PCSK6: variants seen among roughly 807,000 people sequenced by gnomAD.
PCSK6 encodes proprotein convertase subtilisin/kexin type 6, also known as paired basic amino acid cleaving enzyme 4.
PCSK6 carries 85 observed loss-of-function variants against 123.3 expected under a neutral mutation model. The ratio of observed to expected loss-of-function variants is 0.69; its 90% confidence interval spans 0.58 to 0.83. The LOEUF (loss-of-function observed/expected upper bound fraction) is 0.83, where lower values mean the gene tolerates loss of function less well. PCSK6 is among the 40% of genes least tolerant of loss of function. PCSK6 has a pLI of 0.00. For synonymous variants in PCSK6, 508 were observed against 516.0 expected, an observed-to-expected ratio of 0.98 and a Z score of 0.21; for missense variants, 1,191 against 1,282.3, an observed-to-expected ratio of 0.93 and a Z score of 1.09.
chr15:101,339,817 G>T (rs1463635720), intron 13 of PCSK6, among the ~76,000 whole-genome samples: 3 of 152,024 alleles, frequency 2.0e-5, no homozygotes, highest in Non-Finnish European at 2.9e-5. Flanking sequence ...AGGCTGAGTT[G>T]GGAGGATTGC....
intron 17 of PCSK6, 133 bp downstream of exon 17, chr15:101,324,716 TG>T: frequency 1.4e-6 from 1 of 710,572 alleles, no homozygotes; most frequent in Non-Finnish European, 2.3e-6. Context: ...CCTCCTTCCC[TG>T]TTCAAAGTCC....
chr15:101,481,422 A>C (rs533571739), intron 1 of PCSK6, among the ~76,000 whole-genome samples: 2 of 151,392 alleles, frequency 1.3e-5, no homozygotes, highest in African/African-American at 4.9e-5. Flanking sequence ...ACCTGGTGAC[A>C]GGTAAAGCCG....
At chr15:101,427,108 A>T (rs754916312) in intron 6 of PCSK6, among the ~76,000 whole-genome samples, 2 of 152,222 alleles carry the variant, frequency 1.3e-5, no homozygotes, top group Non-Finnish European at 2.9e-5. Context: ...CGTGGGGAAT[A>T]GGAAGACATT....
At chr15:101,365,525 T>C (rs1310136662) in intron 13 of PCSK6, among the ~76,000 whole-genome samples, 1 of 151,754 alleles carries the variant, frequency 6.6e-6, no homozygotes, top group African/African-American at 2.4e-5. Context: ...CAACATAGAG[T>C]TACCATATGA....
At chr15:101,385,322 T>C (rs956390869) in intron 9 of PCSK6, among the ~76,000 whole-genome samples, 2 of 152,174 alleles carry the variant, frequency 1.3e-5, no homozygotes, top group African/African-American at 4.8e-5. Context: ...CTGGCCCACC[T>C]TTTTCTTTTT....
At chr15:101,347,823 T>C (rs373300792) in intron 13 of PCSK6, 60 of 1,519,546 alleles carry the variant, frequency 3.9e-5, no homozygotes, top group Admixed American at 1.0e-4. Context: ...TGAAGCTTTA[T>C]TGGGAGGTGC....
Position 101,431,481 on chromosome 15 carries a change from A to G in PCSK6, c.514-18T>C, listed in dbSNP as rs1401859598. 1.9e-6 allele frequency: 3 copies of G among 1,613,350 alleles called. No individual in the cohort carries two copies. Among genetic ancestry groups the G allele is most frequent in the South Asian group, 1.1e-5 (1 of 90,920 alleles). Reference sequence around the variant, plus strand: ...CCACAATGCTGTAAGCACGAAAGACACAAAGTCCCCCCGACATGGACATTC... The same window carrying G: ...CCACAATGCTGTAAGCACGAAAGACGCAAAGTCCCCCCGACATGGACATTC... On this transcript the variant is annotated intron_variant, in intron 3 of 21. Transcript: ENST00000611716.
At chr15:101,309,948 A>T (rs2039816084) in intron 20 of PCSK6, among the ~76,000 whole-genome samples, 1 of 152,176 alleles carries the variant, frequency 6.6e-6, no homozygotes, top group Non-Finnish European at 1.5e-5. Flanking sequence ...TTCCACCTGC[A>T]GTTGCCAACC....
chr15:101,327,910 C>T (rs987647982), intron 15 of PCSK6, among the ~76,000 whole-genome samples: 6 of 151,954 alleles, frequency 3.9e-5, no homozygotes, highest in Admixed American at 6.6e-5. Context: ...TGTTCCTGGG[C>T]GGTGCTGGTA....
At chr15:101,417,560 G>C (rs900626441) in intron 6 of PCSK6, among the ~76,000 whole-genome samples, 4 of 152,096 alleles carry the variant, frequency 2.6e-5, no homozygotes, top group Non-Finnish European at 4.4e-5. Flanking sequence ...AAAAATCTAA[G>C]CTGAAACGTA....
intron 5 of PCSK6, among the ~76,000 whole-genome samples, 200 bp from the exon 6 acceptor site, chr15:101,428,180 G>T (rs1485298304): frequency 6.6e-6 from 1 of 152,144 alleles, no homozygotes; most frequent in Non-Finnish European, 1.5e-5. Context: ...AGCCCTTCCT[G>T]GCATCCTGAA....
Position 101,317,927 on chromosome 15 carries a change from G to A in PCSK6, c.2569+392C>T, listed in dbSNP as rs145059824. 2.3e-3 allele frequency among the ~76,000 whole-genome samples: 357 copies of A among 152,304 alleles called. 1 individual carries two copies. The highest frequency in any genetic ancestry group is 8.2e-3 in the African/African-American group (339 of 41,560). On this transcript the variant is annotated intron_variant, in intron 19 of 21. Transcript: ENST00000611716. ...TGCCCAGGCTGGTCCTGAGTTCCTG[G>A]GCTCGAGCTGTCCTCCCATCTCTGC... is the stretch of plus-strand genomic sequence containing the variant.
Position 101,489,264 on chromosome 15 carries a change from C to T in PCSK6, c.297+110G>A, listed in dbSNP as rs566332389. 5.3e-5 allele frequency: 37 copies of T among 700,502 alleles called. 2 individuals carry two copies. The South Asian group carries it at 1.9e-3, about 36-fold the overall frequency. 43.4% of individuals were successfully genotyped at this position (700,502 alleles called of 1,614,324 possible). A position where few individuals can be genotyped will look rare whatever the true frequency, so the allele number is the denominator to read the frequency against. On this transcript the variant is annotated intron_variant, in intron 1 of 21. Coordinates refer to ENST00000611716, the MANE Select transcript of PCSK6 (RefSeq NM_002570.5). ...TCCCCAAGCGGTCCCGGAGCCTTCC[C>T]ACGCGCGCGCGGGGCCGGGGCCGGG...
intron 17 of PCSK6, among the ~76,000 whole-genome samples, chr15:101,323,258 C>T (rs541104034): frequency 1.6e-4 from 24 of 152,316 alleles, no homozygotes; most frequent in South Asian, 1.4e-3. Context: ...TGGCATCATA[C>T]GCCATAAAGC....
intron 7 of PCSK6, among the ~76,000 whole-genome samples, chr15:101,395,071 A>G (rs1484092862): frequency 6.6e-6 from 1 of 152,220 alleles, no homozygotes; most frequent in African/African-American, 2.4e-5. Flanking sequence ...GCAAATCAAA[A>G]GGTATTTAAC....
chr15:101,313,631 G>T, intron 19 of PCSK6, 126 bp from the exon 20 acceptor site: 2 of 1,407,750 alleles, frequency 1.4e-6, no homozygotes, highest in Admixed American at 2.5e-5. Context: ...CACCACAGCT[G>T]CCATTTCCCA....
intron 19 of PCSK6, among the ~76,000 whole-genome samples, chr15:101,315,791 G>A (rs751986869): frequency 1.2e-4 from 19 of 152,208 alleles, no homozygotes; most frequent in African/African-American, 1.9e-4. Context: ...TGGGTAAGTC[G>A]CGTCCCACGG....
intron 15 of PCSK6, 67 bp from the exon 16 acceptor site, chr15:101,326,546 T>G: frequency 7.1e-7 from 1 of 1,410,376 alleles, no homozygotes; most frequent in Non-Finnish European, 9.8e-7. Context: ...GTCCCGCGGA[T>G]CCCTGTGTCA....
chr15:101,368,701 C>T (rs957662067), intron 12 of PCSK6, among the ~76,000 whole-genome samples: 1 of 152,136 alleles, frequency 6.6e-6, no homozygotes, highest in African/African-American at 2.4e-5. Context: ...GAACGGAGAG[C>T]CCGTTGCTGG....
Sources: allele counts gnomAD v4.1 joint callset (sites outside exome capture counted in the v4.1 genomes callset), GRCh38; gene constraint gnomAD v4.1.1; transcripts MANE v1.5; gene names NCBI Gene and HGNC (gene_info 2026-07-23, HGNC 2026-07-21).